ARHGAP20: variants seen among roughly 807,000 people sequenced by gnomAD.
ARHGAP20 encodes the protein Rho GTPase activating protein 20.
Under a neutral mutation model 73.7 loss-of-function variants are expected in ARHGAP20, and 34 were observed. The ratio of observed to expected loss-of-function variants is 0.46; its 90% CI spans 0.35 to 0.61. The LOEUF is 0.61. ARHGAP20 is among the 20% of genes least tolerant of loss of function. The pLI is 0.00. For missense variants in ARHGAP20, 1,314 were observed against 1,420.9 expected, an observed-to-expected ratio of 0.92 and a Z score of 1.21; for synonymous variants, 523 against 518.2, an observed-to-expected ratio of 1.01 and a Z score of -0.13.
intron 2 of ARHGAP20, among the ~76,000 whole-genome samples, chr11:110,660,061 C>CAAAAAAAAAAAAACAAAAAAAAAAAA (rs1949567363): frequency 5.8e-5 from 4 of 69,236 alleles, no homozygotes; most frequent in African/African-American, 1.9e-4. Context: ...TAATAAAAAA[C>CAAAAAAAAAAAAACAAAAAAAAAAAA]AAAAAAAAAA....
intron 9 of ARHGAP20, among the ~76,000 whole-genome samples, chr11:110,596,172 A>G (rs1313197481): frequency 2.0e-5 from 3 of 152,068 alleles, no homozygotes; most frequent in Admixed American, 6.5e-5. Context: ...TACATGTTAG[A>G]CCTAAAACCA....
intron 9 of ARHGAP20, among the ~76,000 whole-genome samples, chr11:110,592,474 A>C (rs1947853166): frequency 6.6e-6 from 1 of 152,192 alleles, no homozygotes; most frequent in African/African-American, 2.4e-5. Context: ...GTAACACCTA[A>C]AAGCAAAAAG....
Position 110,624,324 on chromosome 11 carries a change from A to C in ARHGAP20, c.354-13T>G. ...GTTATTGTTATATCTAGAAAGATAAAAACCAAACAGAACCTTTTGTTATTT... is the reference window on the plus strand; with the variant it reads ...GTTATTGTTATATCTAGAAAGATAACAACCAAACAGAACCTTTTGTTATTT... On this transcript the variant is annotated splice_polypyrimidine_tract_variant and intron_variant, in intron 3 of 14. Coordinates refer to ENST00000683387, the MANE Select transcript of ARHGAP20 (RefSeq NM_001384657.1). 1 of 1,523,986 alleles carries C rather than the reference A, an allele frequency of 6.6e-7. No individual in the cohort carries two copies. Among genetic ancestry groups the C allele is most frequent in the Admixed American group, 2.2e-5 (1 of 46,214 alleles). The allele number at this position is 1,523,986 out of a possible 1,614,324, so 94.4% of individuals were successfully genotyped here. A position where few individuals can be genotyped will look rare whatever the true frequency, so the allele number is the denominator to read the frequency against.
Position 110,657,403 on chromosome 11 carries a change from G to A in ARHGAP20, c.189-26611C>T, listed in dbSNP as rs150947331. 3.7e-3 allele frequency among the ~76,000 whole-genome samples: 559 copies of A among 152,184 alleles called. 3 individuals carry two copies. The highest frequency in any genetic ancestry group is 0.012 in the African/African-American group (513 of 41,526). ...TTATGTTAAAATGTGTGGTGAAGGA[G>A]ATATAGTTTACATTAAAAAAAACAT... On this transcript the variant is annotated intron_variant, in intron 2 of 14. Coordinates refer to ENST00000683387, the MANE Select transcript of ARHGAP20 (RefSeq NM_001384657.1).
intron 2 of ARHGAP20, among the ~76,000 whole-genome samples, chr11:110,652,981 T>C (rs1476124264): frequency 6.6e-6 from 1 of 152,154 alleles, no homozygotes; most frequent in African/African-American, 2.4e-5. Flanking sequence ...GGATTACCTG[T>C]TTGATAAATG....
chr11:110,647,440 T>C (rs987540066), intron 2 of ARHGAP20, among the ~76,000 whole-genome samples: 3 of 151,792 alleles, frequency 2.0e-5, no homozygotes, highest in African/African-American at 4.8e-5. Flanking sequence ...CAGACAAGGG[T>C]TTCCAACACT....
intron 1 of ARHGAP20, among the ~76,000 whole-genome samples, chr11:110,707,160 G>T (rs1215910899): frequency 6.6e-6 from 1 of 152,050 alleles, no homozygotes; most frequent in East Asian, 1.9e-4. Context: ...CCCTTGCCTG[G>T]CTTTCTGGGC....
intron 1 of ARHGAP20, among the ~76,000 whole-genome samples, chr11:110,692,606 T>C (rs1466773242): frequency 6.6e-6 from 1 of 152,106 alleles, no homozygotes; most frequent in Admixed American, 6.6e-5. Flanking sequence ...CATTAGTACA[T>C]AGTTTCTAAT....
At chr11:110,595,949 T>C (rs1161118486) in intron 9 of ARHGAP20, among the ~76,000 whole-genome samples, 1 of 152,022 alleles carries the variant, frequency 6.6e-6, no homozygotes, top group African/African-American at 2.4e-5. Flanking sequence ...AACAGAGATA[T>C]AGATCAATGG....
intron 2 of ARHGAP20, among the ~76,000 whole-genome samples, chr11:110,634,410 T>C (rs1948921072): frequency 6.6e-6 from 1 of 152,120 alleles, no homozygotes; most frequent in African/African-American, 2.4e-5. Flanking sequence ...ATTTTACAGA[T>C]TTGAAGCTAT....
intron 9 of ARHGAP20, among the ~76,000 whole-genome samples, chr11:110,606,093 T>C (rs1591310682): frequency 2.0e-5 from 3 of 152,220 alleles, no homozygotes. Flanking sequence ...ATTAGATTAG[T>C]AGACTAAGGA....
chr11:110,582,131 C>T (rs1427785666), intron 14 of ARHGAP20, among the ~76,000 whole-genome samples, 190 bp downstream of exon 14: 3 of 152,174 alleles, frequency 2.0e-5, no homozygotes, highest in African/African-American at 7.2e-5. Flanking sequence ...TCCCACTACA[C>T]TGTTAACATA....
chr11:110,635,683 T>A (rs326951), intron 2 of ARHGAP20, among the ~76,000 whole-genome samples: 77,317 of 151,784 alleles, frequency 0.51, 21,496 homozygotes, highest in African/African-American at 0.75. Flanking sequence ...AAGGCAAGTA[T>A]ATAAATCAAA....
intron 3 of ARHGAP20, 66 bp from the exon 4 acceptor site, chr11:110,624,377 C>T (rs531975784): frequency 2.3e-4 from 309 of 1,328,466 alleles, no homozygotes; most frequent in Non-Finnish European, 2.9e-4. Context: ...GGGAGCTTCT[C>T]TGGAAGGCAT....
chr11:110,603,190 T>A (rs1020451575), intron 9 of ARHGAP20, among the ~76,000 whole-genome samples: 2 of 152,208 alleles, frequency 1.3e-5, no homozygotes, highest in African/African-American at 4.8e-5. Context: ...TTGTTAAAAA[T>A]AGAGGCTAAA....
At chr11:110,637,839 G>A (rs771570112) in intron 2 of ARHGAP20, among the ~76,000 whole-genome samples, 19 of 152,120 alleles carry the variant, frequency 1.2e-4, no homozygotes, top group Non-Finnish European at 2.8e-4. Context: ...AGGATGAACA[G>A]AGAGACCAAT....
At chr11:110,637,860 G>A (rs987092032) in intron 2 of ARHGAP20, among the ~76,000 whole-genome samples, 1 of 152,054 alleles carries the variant, frequency 6.6e-6, no homozygotes, top group Non-Finnish European at 1.5e-5. Flanking sequence ...GAAGGCTGAA[G>A]GGCACTTTAA....
At chr11:110,661,209 AT>A (rs1241841224) in intron 2 of ARHGAP20, among the ~76,000 whole-genome samples, 1 of 152,192 alleles carries the variant, frequency 6.6e-6, no homozygotes, top group Non-Finnish European at 1.5e-5. Flanking sequence ...TCCAAGAGGA[AT>A]TAGTCTATTT....
Position 110,579,015 on chromosome 11 carries a change from T to C in ARHGAP20, c.*355A>G. ...TCTCTCCTCAGGCCCCTATTCCTCA[T>C]TCCTGATATCTTGGTCTTCTCAGGA... On this transcript the variant is annotated 3_prime_UTR_variant, in exon 15 of 15. Coordinates refer to ENST00000683387, the MANE Select transcript of ARHGAP20 (RefSeq NM_001384657.1). 1.0e-6 allele frequency: 1 copy of C among 1,000,268 alleles called. No individual in the cohort carries two copies. Among genetic ancestry groups the C allele is most frequent in the Non-Finnish European group, 1.2e-6 (1 of 837,834 alleles). The allele number at this position is 1,000,268 out of a possible 1,614,324, so 62.0% of individuals were successfully genotyped here. A position where few individuals can be genotyped will look rare whatever the true frequency, so the allele number is the denominator to read the frequency against.
Sources: gnomAD v4.1 joint callset for allele counts (sites outside exome capture counted in the v4.1 genomes callset) on GRCh38, gnomAD v4.1.1 for gene constraint, MANE v1.5 for transcripts, NCBI Gene and HGNC (gene_info 2026-07-23, HGNC 2026-07-21) for gene names.